CDYL2: variants seen among roughly 807,000 people sequenced by gnomAD.
The protein encoded by CDYL2 is chromodomain Y like 2, also known as chromodomain Y-like protein 2.
Under a neutral mutation model 49.4 loss-of-function variants are expected in CDYL2, and 23 were observed. That is an observed-to-expected ratio of 0.47 (90% CI 0.34 to 0.66). The LOEUF (loss-of-function observed/expected upper bound fraction) is 0.66, where lower values mean the gene tolerates loss of function less well. Among genes scored for constraint, CDYL2 ranks in the 30% least tolerant of loss-of-function variants. CDYL2 has a pLI of 0.01. For synonymous variants in CDYL2, 360 were observed against 268.8 expected, an observed-to-expected ratio of 1.34 and a Z score of -3.32; for missense variants, 678 against 656.4, an observed-to-expected ratio of 1.03 and a Z score of -0.36.
intron 3 of CDYL2, among the ~76,000 whole-genome samples, chr16:80,621,408 G>T (rs1000251971): frequency 6.6e-6 from 1 of 152,310 alleles, no homozygotes; most frequent in South Asian, 2.1e-4. Context: ...CGGCCTGCAG[G>T]TGCCACATGG....
At chr16:80,708,242 C>T (rs548075989) in intron 1 of CDYL2, among the ~76,000 whole-genome samples, 9 of 152,294 alleles carry the variant, frequency 5.9e-5, no homozygotes, top group African/African-American at 2.2e-4. Flanking sequence ...ATAATCCCCA[C>T]GTGTCAAGGT....
At chr16:80,639,754 C>G in intron 2 of CDYL2, 1 of 455,914 alleles carries the variant, frequency 2.2e-6, no homozygotes, top group Non-Finnish European at 4.4e-6. Context: ...CCACCTCTCT[C>G]CCCTCCCCCT....
intron 1 of CDYL2, among the ~76,000 whole-genome samples, chr16:80,695,811 C>A (rs1910594369): frequency 1.3e-5 from 2 of 152,190 alleles, no homozygotes; most frequent in African/African-American, 4.8e-5. Context: ...TTAGTTGAGA[C>A]CTTCAACACA....
chr16:80,625,250 C>T (rs1907250681), intron 3 of CDYL2, among the ~76,000 whole-genome samples: 1 of 152,170 alleles, frequency 6.6e-6, no homozygotes, highest in Non-Finnish European at 1.5e-5. Context: ...TTCCCTTTTC[C>T]AGCTTATAGA....
chr16:80,607,751 T>C (rs146081134), intron 6 of CDYL2, among the ~76,000 whole-genome samples: 16 of 152,346 alleles, frequency 1.1e-4, no homozygotes, highest in African/African-American at 3.4e-4. Flanking sequence ...CTTTTTATCC[T>C]TATTGGCCGC....
intron 2 of CDYL2, among the ~76,000 whole-genome samples, chr16:80,681,693 G>C (rs188835237): frequency 6.6e-6 from 1 of 152,194 alleles, no homozygotes; most frequent in South Asian, 2.1e-4. Flanking sequence ...CACAGAAGAC[G>C]TCATTGTGGG....
At chr16:80,622,926 C>G (rs1015457465) in intron 3 of CDYL2, among the ~76,000 whole-genome samples, 16 of 152,172 alleles carry the variant, frequency 1.1e-4, no homozygotes, top group African/African-American at 3.9e-4. Flanking sequence ...CACCCCCAAC[C>G]CCTTGTGAGG....
At chr16:80,606,929 A>T (rs2142358064) in intron 6 of CDYL2, among the ~76,000 whole-genome samples, 1 of 152,306 alleles carries the variant, frequency 6.6e-6, no homozygotes, top group African/African-American at 2.4e-5. Flanking sequence ...GCCACATGGA[A>T]CAGTGAATCT....
intron 3 of CDYL2, among the ~76,000 whole-genome samples, chr16:80,629,167 A>C (rs1269098364): frequency 2.4e-4 from 36 of 152,010 alleles, no homozygotes; most frequent in Admixed American, 2.4e-3. Context: ...TTGGTTGGGG[A>C]GGGGTGTGTG....
rs529532672 is a variant in CDYL2, at chr16:80,623,093, C to T, written c.835-2158G>A. On this transcript the variant is annotated intron_variant, in intron 3 of 6. Coordinates refer to ENST00000570137, the MANE Select transcript of CDYL2 (RefSeq NM_152342.4). ...CGGAGATGGTACAAGCTCTGTCTGC[C>T]CCAAGCACTTTCAAACTTCGCTGCT... Among the ~76,000 whole-genome samples, 14 of 152,324 alleles carry T rather than the reference C, an allele frequency of 9.2e-5. No homozygotes were observed. The South Asian group carries it at 2.3e-3, about 25-fold the overall frequency.
At chr16:80,654,188 GT>G (rs1908708707) in intron 2 of CDYL2, among the ~76,000 whole-genome samples, 1 of 152,138 alleles carries the variant, frequency 6.6e-6, no homozygotes, top group African/African-American at 2.4e-5. Context: ...GCCGGGCTGG[GT>G]TGGGAAAAAG....
At chr16:80,625,800 C>T (rs145374838) in intron 3 of CDYL2, among the ~76,000 whole-genome samples, 2 of 152,204 alleles carry the variant, frequency 1.3e-5, no homozygotes, top group East Asian at 3.9e-4. Context: ...TAGCAGAATA[C>T]AATTGTCAAG....
chr16:80,711,923 G>A (rs184187606), intron 1 of CDYL2, among the ~76,000 whole-genome samples: 9 of 151,502 alleles, frequency 5.9e-5, no homozygotes, highest in South Asian at 4.2e-4. Context: ...TTATCCAACC[G>A]ACAGGGGAGA....
chr16:80,695,109 G>C (rs1326979475), intron 1 of CDYL2, among the ~76,000 whole-genome samples: 1 of 152,242 alleles, frequency 6.6e-6, no homozygotes, highest in Non-Finnish European at 1.5e-5. Flanking sequence ...TGGCCTGCAG[G>C]CCAAATCTGG....
chr16:80,804,194 T>A lies in CDYL2; in HGVS notation c.-21A>T. On this transcript the variant is annotated 5_prime_UTR_variant, in exon 1 of 7. Transcript: ENST00000570137. ...GCCATGCCAGGCTGCGGAACTTGGC[T>A]CGCCGGTGTGCGCGTCTGCTCGCTC... 1 of 1,329,468 alleles carries A rather than the reference T, an allele frequency of 7.5e-7. No individual in the cohort carries two copies. The highest frequency in any genetic ancestry group is 9.9e-7 in the Non-Finnish European group (1 of 1,011,954). The allele number at this position is 1,329,468 out of a possible 1,614,324, so 82.4% of individuals were successfully genotyped here. A position where few individuals can be genotyped will look rare whatever the true frequency, so the allele number is the denominator to read the frequency against.
At chr16:80,614,587 T>C (rs1335122023) in intron 4 of CDYL2, among the ~76,000 whole-genome samples, 1 of 152,218 alleles carries the variant, frequency 6.6e-6, no homozygotes. Flanking sequence ...AAGTCGAGGC[T>C]GGGCATGGTC....
In CDYL2 at chr16:80,615,077, A is replaced by G. The variant is rs115994932; in HGVS notation, c.1008-2241T>C. 8.9e-3 allele frequency among the ~76,000 whole-genome samples: 1,354 copies of G among 152,178 alleles called. 25 individuals are homozygous for G. The highest frequency in any genetic ancestry group is 0.031 in the African/African-American group (1,297 of 41,504). On this transcript the variant is annotated intron_variant, in intron 4 of 6. Coordinates refer to ENST00000570137, the MANE Select transcript of CDYL2 (RefSeq NM_152342.4). ...TCATAAAAGTACGTGCCTCTGACTC[A>G]TGCTTGAGGCATCACATTCCCTAAG...
At position 80,724,120 on chromosome 16, in the gene CDYL2, GAAGA is replaced by G. The variant is rs957931433; in HGVS notation, c.25-38995_25-38992del. Among the ~76,000 whole-genome samples, 6 of 149,854 alleles carry G rather than the reference GAAGA, an allele frequency of 4.0e-5. No individual in the cohort carries two copies. The East Asian group carries it at 6.0e-4, about 15-fold the overall frequency. ...GGAAAAAGAAGAGGAAGAGAAAGGA[GAAGA>G]AAGAAAGAGGAGATAAAAAAGAAGA... On this transcript the variant is annotated intron_variant, in intron 1 of 6. Coordinates refer to ENST00000570137, the MANE Select transcript of CDYL2 (RefSeq NM_152342.4).
At position 80,804,294 on chromosome 16, in the gene CDYL2, G is replaced by A. The variant is rs1290849763; in HGVS notation, c.-121C>T. The A allele has an allele frequency of 2.1e-5, 18 of 851,326 alleles. No individual in the cohort carries two copies. Among genetic ancestry groups the A allele is most frequent in the Non-Finnish European group, 2.4e-5 (15 of 633,744 alleles). The allele number at this position is 851,326 out of a possible 1,614,324, so 52.7% of individuals were successfully genotyped here. ...GCGCGTGTGTGTGCGAGTGTGTGTG[G>A]TGTGTTGAGTAAACTGTGTTTTTGC... On this transcript the variant is annotated 5_prime_UTR_variant, in exon 1 of 7. Transcript: ENST00000570137.
Sources: allele counts gnomAD v4.1 joint callset (sites outside exome capture counted in the v4.1 genomes callset), GRCh38; gene constraint gnomAD v4.1.1; transcripts MANE v1.5; gene names NCBI Gene and HGNC (gene_info 2026-07-23, HGNC 2026-07-21).